The following BICDL1 variants were observed in gnomAD, a reference collection of about 807,000 sequenced individuals.
The protein encoded by BICDL1 is BICD family-like cargo adapter 1.
A neutral mutation model predicts 76.8 loss-of-function variants in BICDL1; 20 were observed. That is an observed-to-expected ratio of 0.26 (90% confidence interval 0.18 to 0.38). The LOEUF is 0.38. Ranked by LOEUF, BICDL1 falls within the 10% of genes least tolerant of loss-of-function variation. BICDL1 has a pLI of 1.00. For synonymous variants in BICDL1, 383 were observed against 337.1 expected, an observed-to-expected ratio of 1.14 and a Z score of -1.49; for missense variants, 700 against 798.6, an observed-to-expected ratio of 0.88 and a Z score of 1.49.
intron 2 of BICDL1, among the ~76,000 whole-genome samples, chr12:120,028,676 CA>C (rs2138749643): frequency 6.6e-6 from 1 of 151,986 alleles, no homozygotes. Context: ...GACTCAGACT[CA>C]AAAATAATAA....
chr12:120,061,794 C>T lies in BICDL1; in HGVS notation c.730C>T (p.His244Tyr). The part of the protein sequence containing the change: ...FREKNSSTNQ[H>Y]IIRLESLQAE... ...GGAGAAAAACTCATCAACCAACCAG[C>T]ACATTATCCGGCTGGAGAGCCTTCA... is the stretch of plus-strand genomic sequence containing the variant. The change falls in exon 3 of 10, where the codon CAC becomes TAC. Residue 244 changes from histidine (H) to tyrosine (Y), a missense_variant. Coordinates refer to ENST00000548673, the MANE Select transcript of BICDL1 (RefSeq NM_001367886.1). 1.2e-6 allele frequency: 2 copies of T among 1,614,122 alleles called. No homozygotes were observed. Among genetic ancestry groups the T allele is most frequent in the Non-Finnish European group, 1.7e-6 (2 of 1,179,960 alleles).
chr12:120,023,888 G>A (rs781579095), intron 2 of BICDL1, among the ~76,000 whole-genome samples: 1 of 152,124 alleles, frequency 6.6e-6, no homozygotes, highest in Admixed American at 6.6e-5. Flanking sequence ...GTGAGGCAGA[G>A]CTGACACACG....
intron 3 of BICDL1, among the ~76,000 whole-genome samples, chr12:120,064,073 G>T (rs1257519630): frequency 6.6e-6 from 1 of 152,224 alleles, no homozygotes; most frequent in Non-Finnish European, 1.5e-5. Flanking sequence ...CTTCACGAAT[G>T]ACTCGCTCAG....
intron 1 of BICDL1, among the ~76,000 whole-genome samples, chr12:119,994,436 T>C (rs1311457753): frequency 6.6e-6 from 1 of 152,078 alleles, no homozygotes; most frequent in Non-Finnish European, 1.5e-5. Context: ...TAAAGACCTG[T>C]TTTATGTAAA....
At chr12:120,013,229 G>A (rs1951989410) in intron 2 of BICDL1, among the ~76,000 whole-genome samples, 3 of 150,278 alleles carry the variant, frequency 2.0e-5, no homozygotes, top group African/African-American at 4.9e-5. Flanking sequence ...CAGGAGAATC[G>A]TTTGAACCTG....
intron 2 of BICDL1, among the ~76,000 whole-genome samples, chr12:120,001,776 A>G (rs1425660417): frequency 6.6e-6 from 1 of 152,116 alleles, no homozygotes; most frequent in African/African-American, 2.4e-5. Flanking sequence ...GGGGCTTAGC[A>G]CAGTGGCTCA....
chr12:120,065,765 A>G (rs1435544109), intron 4 of BICDL1, among the ~76,000 whole-genome samples: 1 of 152,232 alleles, frequency 6.6e-6, no homozygotes, highest in Admixed American at 6.5e-5. Flanking sequence ...AGGCCACAGA[A>G]GGTCCCACTG....
intron 2 of BICDL1, among the ~76,000 whole-genome samples, chr12:120,033,507 G>T (rs994234061): frequency 7.3e-5 from 11 of 151,374 alleles, no homozygotes; most frequent in African/African-American, 2.7e-4. Context: ...CTCCCAAGTA[G>T]CTGGGGCTAC....
At chr12:120,050,542 C>T (rs146981581) in intron 2 of BICDL1, among the ~76,000 whole-genome samples, 13,072 of 152,130 alleles carry the variant, frequency 0.086, 675 homozygotes, top group African/African-American at 0.14. Context: ...GCTGGGATTA[C>T]AGGCGTGAGC....
intron 2 of BICDL1, among the ~76,000 whole-genome samples, chr12:120,057,818 C>CTTTTTTTTTTTTTTTTTTTTT (rs143777152): frequency 8.9e-5 from 7 of 78,322 alleles, no homozygotes; most frequent in African/African-American, 4.5e-4. Flanking sequence ...GCGATTCCTG[C>CTTTTTTTTTTTTTTTTTTTTT]TTTTTTTTTT....
chr12:120,009,660 G>T (rs1313423240), intron 2 of BICDL1, among the ~76,000 whole-genome samples: 1 of 152,144 alleles, frequency 6.6e-6, no homozygotes, highest in East Asian at 1.9e-4. Flanking sequence ...CTTGGTAAAT[G>T]GTAGGAAGAT....
intron 9 of BICDL1, chr12:120,091,406 G>GT (rs1566274844): frequency 3.0e-6 from 3 of 1,012,188 alleles, no homozygotes; most frequent in African/African-American, 3.5e-5. Flanking sequence ...TGAAAGGTTG[G>GT]TTTTTGAAAG....
At chr12:119,993,692 C>T (rs1166080655) in intron 1 of BICDL1, among the ~76,000 whole-genome samples, 3 of 151,750 alleles carry the variant, frequency 2.0e-5, no homozygotes, top group Non-Finnish European at 2.9e-5. Flanking sequence ...TACCAGCTCA[C>T]TGCAACCTCT....
At chr12:120,083,591 G>A (rs551703012) in intron 8 of BICDL1, among the ~76,000 whole-genome samples, 50 of 151,812 alleles carry the variant, frequency 3.3e-4, no homozygotes, top group African/African-American at 1.2e-3. Context: ...TACCAAAAAT[G>A]TGTCTACTTT....
chr12:120,072,726 C>T lies in BICDL1; in HGVS notation c.1305C>T (p.Pro435=). Residue 435 remains proline, a synonymous_variant, in exon 6 of 10, where the codon CCC becomes CCT. Transcript: ENST00000548673. ...AGAGCATTGTGGATGGCATGGAGCC[C>T]ACGGTAAGAGGCCAGTCTGAGATGG... ...LIQSIVDGME[P]TGSRRLDDDS... The T allele has an allele frequency of 6.2e-7, 1 of 1,611,398 alleles. No individual in the cohort carries two copies. Among genetic ancestry groups the T allele is most frequent in the Non-Finnish European group, 8.5e-7 (1 of 1,179,538 alleles).
intron 2 of BICDL1, among the ~76,000 whole-genome samples, chr12:120,046,676 C>A (rs367736769): frequency 5.3e-5 from 8 of 152,236 alleles, no homozygotes; most frequent in African/African-American, 1.9e-4. Flanking sequence ...ATCCCCAGTT[C>A]AAAGCATAGT....
At chr12:120,025,929 C>T (rs764377435) in intron 2 of BICDL1, among the ~76,000 whole-genome samples, 24 of 152,060 alleles carry the variant, frequency 1.6e-4, no homozygotes, top group Non-Finnish European at 2.9e-4. Context: ...CCTCCACCTC[C>T]AGGGTTCAAG....
chr12:120,057,252 C>G (rs151086479), intron 2 of BICDL1: 1 of 385,592 alleles, frequency 2.6e-6, no homozygotes, highest in African/African-American at 2.1e-5. Flanking sequence ...TGAGCTCAAG[C>G]GATCCTTCCA....
At chr12:119,998,969 A>G (rs550642099) in intron 2 of BICDL1, among the ~76,000 whole-genome samples, 12 of 147,906 alleles carry the variant, frequency 8.1e-5, no homozygotes, top group African/African-American at 3.0e-4. Context: ...AGGTGGGGGG[A>G]TCGCTTGAGC....
Sources: allele counts gnomAD v4.1 joint callset (sites outside exome capture counted in the v4.1 genomes callset), GRCh38; gene constraint gnomAD v4.1.1; transcripts MANE v1.5; gene names NCBI Gene and HGNC (gene_info 2026-07-23, HGNC 2026-07-21).